Variants in VPS13C observed in about 807,000 individuals in gnomAD.
The protein encoded by VPS13C is vacuolar protein sorting 13 homolog C, also known as intermembrane lipid transfer protein VPS13C.
A neutral mutation model predicts 456.8 loss-of-function variants in VPS13C; 358 were observed. That is an observed-to-expected ratio of 0.78 (90% confidence interval 0.72 to 0.86). The LOEUF (loss-of-function observed/expected upper bound fraction) is 0.86. Ranked by LOEUF, VPS13C falls within the 40% of genes least tolerant of loss-of-function variation. The pLI is 0.00. For synonymous variants in VPS13C, 1,578 were observed against 1,486.7 expected (o/e 1.06, Z -1.41); for missense variants, 4,818 against 4,385.4 (o/e 1.10, Z -2.79).
At chr15:61,864,958 CGTTA>C in intron 81 of VPS13C, 1 of 980,798 alleles carries the variant, frequency 1.0e-6, no homozygotes, top group Non-Finnish European at 1.2e-6. Flanking sequence ...TATGTATTTT[CGTTA>C]GTTATTAGGC....
At chr15:61,897,726 C>T (rs530577402) in intron 66 of VPS13C, among the ~76,000 whole-genome samples, 135 of 152,036 alleles carry the variant, frequency 8.9e-4, no homozygotes, top group African/African-American at 2.9e-3. Context: ...GACAGGCCAA[C>T]GTTCAGATAC....
chr15:61,926,973 C>T, intron 52 of VPS13C, 118 bp downstream of exon 52: 1 of 909,178 alleles, frequency 1.1e-6, no homozygotes, highest in South Asian at 1.8e-5. Flanking sequence ...ATGTAAAACC[C>T]CAAGTTCACA....
rs758864793 is a variant in VPS13C, at chr15:61,925,561, A to G, written c.6517-13T>C. ...AGGGCTGCAAGACCTATAAACAGAT[A>G]AATGAAATTCACATTTCCATAGATC... On this transcript the variant is annotated splice_polypyrimidine_tract_variant and intron_variant, in intron 52 of 84. Coordinates refer to ENST00000644861, the MANE Select transcript of VPS13C (RefSeq NM_020821.3). 5 of 1,551,328 alleles carry G rather than the reference A, an allele frequency of 3.2e-6. No individual in the cohort carries two copies. The Admixed American group carries it at 7.8e-5, about 24-fold the overall frequency.
chr15:61,987,077 T>C (rs2140406421), intron 18 of VPS13C, among the ~76,000 whole-genome samples: 1 of 152,202 alleles, frequency 6.6e-6, no homozygotes, highest in South Asian at 2.1e-4. Context: ...TTGCTAAAAT[T>C]ACAATTTTCC....
At chr15:61,877,572 C>T (rs976582581) in intron 74 of VPS13C, among the ~76,000 whole-genome samples, 1 of 151,456 alleles carries the variant, frequency 6.6e-6, no homozygotes, top group African/African-American at 2.4e-5. Flanking sequence ...GAATATAACT[C>T]TTTGGTTGAA....
chr15:62,016,569 G>A (rs28541511), intron 9 of VPS13C, among the ~76,000 whole-genome samples: 11,956 of 151,644 alleles, frequency 0.079, 998 homozygotes, highest in African/African-American at 0.21. Flanking sequence ...ATGGTTTCCA[G>A]CTTCATCCAT....
chr15:61,959,164 A>C (rs755786374), intron 36 of VPS13C, among the ~76,000 whole-genome samples: 2 of 152,136 alleles, frequency 1.3e-5, no homozygotes, highest in Non-Finnish European at 2.9e-5. Flanking sequence ...ATCCCTAAAA[A>C]CAAAATGTAC....
At chr15:61,983,168 A>G (rs528211461) in intron 20 of VPS13C, among the ~76,000 whole-genome samples, 2 of 152,230 alleles carry the variant, frequency 1.3e-5, no homozygotes, top group East Asian at 3.9e-4. Flanking sequence ...TGCAGTCTTT[A>G]TATGCTGTCC....
Position 61,867,508 on chromosome 15 carries a change from T to C in VPS13C, c.10863+1151A>G, listed in dbSNP as rs1894676875. 2 of 991,532 alleles carry C rather than the reference T, an allele frequency of 2.0e-6. No homozygotes were observed. Among genetic ancestry groups the C allele is most frequent in the South Asian group, 4.6e-5 (1 of 21,772 alleles). 61.4% of individuals were successfully genotyped at this position (991,532 alleles called of 1,614,324 possible). ...GAGCCATTTGTGAAACAGAAAGCTA[T>C]GTAATTCCATCATCAAGACTCACAA... On this transcript the variant is annotated intron_variant, in intron 81 of 84. Transcript: ENST00000644861. The surrounding 1 kb of genome is among the most constrained non-coding windows in gnomAD (Gnocchi z 5.0).
At chr15:61,970,003 A>G (rs1276368319) in intron 27 of VPS13C, among the ~76,000 whole-genome samples, 1 of 152,074 alleles carries the variant, frequency 6.6e-6, no homozygotes, top group East Asian at 1.9e-4. Context: ...AAATCAATAT[A>G]GTAGAAAGGA....
At chr15:61,995,288 T>C (rs1273286338) in intron 16 of VPS13C, among the ~76,000 whole-genome samples, 2 of 152,146 alleles carry the variant, frequency 1.3e-5, no homozygotes, top group South Asian at 2.1e-4. Flanking sequence ...AGCAGGCAAA[T>C]AGTAGAAGGG....
intron 74 of VPS13C, 156 bp from the exon 75 acceptor site, chr15:61,877,210 G>T: frequency 4.1e-6 from 2 of 484,070 alleles, no homozygotes; most frequent in Non-Finnish European, 7.2e-6. Flanking sequence ...TCTTAATAAT[G>T]GTTACTAAAT....
intron 2 of VPS13C, among the ~76,000 whole-genome samples, chr15:62,043,237 C>T (rs1052697596): frequency 1.3e-5 from 2 of 152,188 alleles, no homozygotes; most frequent in Admixed American, 6.5e-5. Context: ...GCCACAAAGA[C>T]ACAGAGATAT....
At chr15:61,936,155 T>C (rs983278668) in intron 48 of VPS13C, among the ~76,000 whole-genome samples, 4 of 152,190 alleles carry the variant, frequency 2.6e-5, no homozygotes, top group Non-Finnish European at 4.4e-5. Context: ...AAAAATTATC[T>C]TATGTATTTG....
At chr15:61,883,965 C>T (rs755851870) in intron 68 of VPS13C, among the ~76,000 whole-genome samples, 163 bp downstream of exon 68, 13 of 151,532 alleles carry the variant, frequency 8.6e-5, no homozygotes, top group South Asian at 4.2e-4. Context: ...AATATACTAA[C>T]GTGTATCATT....
At chr15:62,033,341 A>G (rs1444975661) in intron 5 of VPS13C, 100 bp downstream of exon 5, 10 of 660,852 alleles carry the variant, frequency 1.5e-5, no homozygotes, top group South Asian at 5.1e-5. Context: ...TGTCTTTAGA[A>G]CTTCAACTTA....
At chr15:62,051,289 T>A (rs1387906717) in intron 1 of VPS13C, among the ~76,000 whole-genome samples, 1 of 152,172 alleles carries the variant, frequency 6.6e-6, no homozygotes, top group African/African-American at 2.4e-5. Flanking sequence ...TGTACTGGGG[T>A]GGAACCAACT....
chr15:61,933,647 A>G (rs2044133131), intron 49 of VPS13C, among the ~76,000 whole-genome samples: 2 of 152,112 alleles, frequency 1.3e-5, no homozygotes, highest in African/African-American at 2.4e-5. Context: ...AAATATCAGC[A>G]TAATAAAAAA....
At chr15:61,920,364 T>C (rs1279047224) in intron 56 of VPS13C, 33 bp from the exon 57 acceptor site, 4 of 1,533,050 alleles carry the variant, frequency 2.6e-6, no homozygotes, top group Middle Eastern at 1.8e-4. Context: ...AGTAAAATTT[T>C]TGAAAAACAT....
Sources: gnomAD v4.1 joint callset for allele counts (sites outside exome capture counted in the v4.1 genomes callset) on GRCh38, gnomAD v4.1.1 for gene constraint, Gnocchi (gnomAD v3.1) non-coding constraint, MANE v1.5 for transcripts, NCBI Gene and HGNC (gene_info 2026-07-23, HGNC 2026-07-21) for gene names.